PLSCR2: variants seen among roughly 807,000 people sequenced by gnomAD.
PLSCR2 encodes PL scramblase 2.
Under a neutral mutation model 25.3 loss-of-function variants are expected in PLSCR2, and 18 were observed. The observed-to-expected ratio is 0.71, with a 90% CI of 0.49 to 1.06. PLSCR2 has a LOEUF of 1.06. Among genes scored for constraint, PLSCR2 ranks in the 50% least tolerant of loss-of-function variants. The probability of loss-of-function intolerance (pLI) is 0.00; values close to 1 mark genes in which losing one functional copy is unlikely to be tolerated. For synonymous variants in PLSCR2, 88 were observed against 87.3 expected, an observed-to-expected ratio of 1.01 and a Z score of -0.04; for missense variants, 243 against 269.5, an observed-to-expected ratio of 0.90 and a Z score of 0.69.
At chr3:146,400,862 C>T (rs1356328443) in intron 2 of PLSCR2, among the ~76,000 whole-genome samples, 2 of 151,766 alleles carry the variant, frequency 1.3e-5, no homozygotes, top group Non-Finnish European at 1.5e-5. Flanking sequence ...TAAACATATA[C>T]ATTGGCAATT....
chr3:146,441,176 T>C (rs561524296), downstream of PLSCR2, among the ~76,000 whole-genome samples: 4 of 152,190 alleles, frequency 2.6e-5, no homozygotes, highest in Non-Finnish European at 5.9e-5. Flanking sequence ...TGTGCTTTTC[T>C]GAAGATTAAA....
intron 3 of PLSCR2, among the ~76,000 whole-genome samples, chr3:146,392,324 C>T (rs752449782): frequency 3.3e-5 from 5 of 151,942 alleles, no homozygotes; most frequent in Admixed American, 1.3e-4. Flanking sequence ...CACTTGATTC[C>T]TTAAATCTTC....
At chr3:146,455,298 T>A (rs1314385514) in exon 4 of PLSCR2, 2 of 1,614,108 alleles carry the variant, frequency 1.2e-6, no homozygotes. Flanking sequence ...TCCAGAGTTA[T>A]GACTTCTCGA....
intron 2 of PLSCR2, among the ~76,000 whole-genome samples, chr3:146,421,921 C>T (rs2039166622): frequency 1.3e-5 from 2 of 152,034 alleles, no homozygotes; most frequent in South Asian, 4.1e-4. Context: ...TCATTCTTGG[C>T]TGTCTTTTAA....
intron 5 of PLSCR2, among the ~76,000 whole-genome samples, chr3:146,450,275 T>C (rs2040818392): frequency 6.6e-6 from 1 of 152,228 alleles, no homozygotes; most frequent in Admixed American, 6.5e-5. Context: ...GTCACATGTG[T>C]CAGCAACACC....
chr3:146,446,301 C>A (rs748570066), intron 6 of PLSCR2, among the ~76,000 whole-genome samples: 2 of 152,092 alleles, frequency 1.3e-5, no homozygotes, highest in Non-Finnish European at 2.9e-5. Flanking sequence ...CTTGGGAAGG[C>A]TTTCCAGGTA....
At chr3:146,436,481 G>T (rs2039867145) in intron 8 of PLSCR2, among the ~76,000 whole-genome samples, 1 of 152,100 alleles carries the variant, frequency 6.6e-6, no homozygotes, top group Non-Finnish European at 1.5e-5. Context: ...CCTTGAAGAG[G>T]TCCTTCACAT....
At chr3:146,486,382 C>CTGTTTT (rs34135074) in intron 1 of PLSCR2, among the ~76,000 whole-genome samples, 1 of 144,866 alleles carries the variant, frequency 6.9e-6, no homozygotes, top group African/African-American at 2.5e-5. Context: ...AATCCAGGAG[C>CTGTTTT]TTTTTTTTTT....
chr3:146,421,335 A>G (rs1361415743), intron 2 of PLSCR2, among the ~76,000 whole-genome samples: 1 of 152,020 alleles, frequency 6.6e-6, no homozygotes, highest in Non-Finnish European at 1.5e-5. Context: ...TCTACAAAAG[A>G]GAGCAGAATT....
intron 1 of PLSCR2, among the ~76,000 whole-genome samples, chr3:146,493,790 T>TG (rs1430969176): frequency 6.8e-6 from 1 of 148,038 alleles, no homozygotes; most frequent in Non-Finnish European, 1.5e-5. Flanking sequence ...GGCGTTTTTT[T>TG]TTTTTTTTTT....
At chr3:146,455,093 CTTCTTATACAATTGA>C in intron 4 of PLSCR2, 131 bp downstream of exon 4, 1 of 618,292 alleles carries the variant, frequency 1.6e-6, no homozygotes, top group Non-Finnish European at 2.8e-6. Flanking sequence ...ACTTGCCTTC[CTTCTTATACAATTGA>C]TTTGGAAGCC....
chr3:146,410,618 C>T (rs2038815239), intron 2 of PLSCR2, among the ~76,000 whole-genome samples: 1 of 152,288 alleles, frequency 6.6e-6, no homozygotes, highest in Admixed American at 6.5e-5. Flanking sequence ...GCACTAAGGA[C>T]CTTGAAGAAG....
At chr3:146,398,984 T>C (rs1279230092) in intron 2 of PLSCR2, among the ~76,000 whole-genome samples, 2 of 151,802 alleles carry the variant, frequency 1.3e-5, no homozygotes, top group Non-Finnish European at 3.0e-5. Flanking sequence ...AACATAGAAG[T>C]GAGAAGACCA....
intron 2 of PLSCR2, among the ~76,000 whole-genome samples, chr3:146,417,578 G>T (rs906408997): frequency 1.3e-5 from 2 of 152,060 alleles, no homozygotes; most frequent in African/African-American, 4.8e-5. Context: ...TATTTTAGAT[G>T]GGTCAGTTAA....
chr3:146,492,727 C>G (rs944772063), intron 1 of PLSCR2, among the ~76,000 whole-genome samples: 5 of 151,576 alleles, frequency 3.3e-5, no homozygotes, highest in Non-Finnish European at 1.5e-5. Context: ...TAACATCACA[C>G]CTGGAGGAAT....
At chr3:146,471,650 T>A (rs1010923823) in intron 1 of PLSCR2, among the ~76,000 whole-genome samples, 1 of 149,758 alleles carries the variant, frequency 6.7e-6, no homozygotes, top group Non-Finnish European at 1.5e-5. Context: ...CACTGCACAC[T>A]CCACCCTCCG....
intron 2 of PLSCR2, among the ~76,000 whole-genome samples, chr3:146,459,490 G>T (rs1214317986): frequency 6.6e-6 from 1 of 152,146 alleles, no homozygotes; most frequent in Non-Finnish European, 1.5e-5. Context: ...GAGTAGTGAT[G>T]ATTACAACGC....
intron 3 of PLSCR2, among the ~76,000 whole-genome samples, chr3:146,394,014 A>T (rs1041957114): frequency 1.1e-4 from 17 of 152,042 alleles, no homozygotes; most frequent in Admixed American, 2.0e-4. Flanking sequence ...TTACATGCAT[A>T]CAGGTCTAGA....
downstream of PLSCR2, among the ~76,000 whole-genome samples, chr3:146,432,178 T>C (rs990486582): frequency 6.6e-6 from 1 of 152,176 alleles, no homozygotes; most frequent in Non-Finnish European, 1.5e-5. Flanking sequence ...GAACTTACCG[T>C]GTCCAATTTT....
Sources: allele counts gnomAD v4.1 joint callset (sites outside exome capture counted in the v4.1 genomes callset), GRCh38; gene constraint gnomAD v4.1.1; transcripts MANE v1.5; gene names NCBI Gene and HGNC (gene_info 2026-07-23, HGNC 2026-07-21).